Variants in PDE6A observed in about 807,000 individuals in gnomAD.
The protein encoded by PDE6A is rod cGMP-specific 3',5'-cyclic phosphodiesterase subunit alpha.
In PDE6A, 84 loss-of-function variants were observed where a neutral mutation model predicts 106.3. The ratio of observed to expected loss-of-function variants is 0.79; its 90% CI spans 0.66 to 0.95. PDE6A has a LOEUF of 0.95. PDE6A is among the 40% of genes least tolerant of loss of function. PDE6A has a pLI of 0.00. For synonymous variants in PDE6A, 394 were observed against 386.6 expected, an observed-to-expected ratio of 1.02 and a Z score of -0.23; for missense variants, 1,052 against 1,084.9, an observed-to-expected ratio of 0.97 and a Z score of 0.43.
At chr5:149,879,533 T>C (rs981548183) in intron 17 of PDE6A, among the ~76,000 whole-genome samples, 1 of 150,556 alleles carries the variant, frequency 6.6e-6, no homozygotes, top group African/African-American at 2.4e-5. Context: ...CACTAACTCG[T>C]CATCTAGCAT....
At chr5:149,914,243 G>A (rs924462688) in intron 6 of PDE6A, among the ~76,000 whole-genome samples, 1 of 151,894 alleles carries the variant, frequency 6.6e-6, no homozygotes, top group Admixed American at 6.6e-5. Context: ...CCCCTTCTTG[G>A]GCCTCACTGC....
At chr5:149,920,983 A>AAAG (rs1753699749) in intron 5 of PDE6A, among the ~76,000 whole-genome samples, 1 of 132,926 alleles carries the variant, frequency 7.5e-6, no homozygotes, top group African/African-American at 3.9e-5. Flanking sequence ...AGAAAGAAAG[A>AAAG]AAGAAAGAAA....
intron 3 of PDE6A, 149 bp downstream of exon 3, chr5:149,933,781 C>T (rs17725010): frequency 0.18 from 118,282 of 673,408 alleles, 11,378 homozygotes; most frequent in South Asian, 0.27. Context: ...TACAGCTTTA[C>T]AGACAACCAC....
At chr5:149,871,046 G>T (rs532998342) in intron 17 of PDE6A, among the ~76,000 whole-genome samples, 19 of 152,240 alleles carry the variant, frequency 1.2e-4, no homozygotes, top group African/African-American at 4.3e-4. Context: ...GCCTTGAGGG[G>T]TACATAGGAG....
rs1301406411 is a variant in PDE6A, at chr5:149,858,897, T to C, written c.*1998A>G. Reference sequence around the variant, plus strand: ...TGGAGTGCAGTGGCATGATCTCAGCTCACTGCAACCTTCGCCTCCCAGGTT... The same window carrying C: ...TGGAGTGCAGTGGCATGATCTCAGCCCACTGCAACCTTCGCCTCCCAGGTT... On this transcript the variant is annotated 3_prime_UTR_variant, in exon 22 of 22. Coordinates refer to ENST00000255266, the MANE Select transcript of PDE6A (RefSeq NM_000440.3). 1 of 136,674 alleles carries C rather than the reference T, an allele frequency of 7.3e-6. No homozygotes were observed. The highest frequency in any genetic ancestry group is 1.5e-5 in the Non-Finnish European group (1 of 65,492). The allele number at this position is 136,674 out of a possible 1,614,324, so 8.5% of individuals were successfully genotyped here. A position where few individuals can be genotyped will look rare whatever the true frequency, so the allele number is the denominator to read the frequency against.
At chr5:149,909,186 G>C (rs935274109) in intron 6 of PDE6A, among the ~76,000 whole-genome samples, 1 of 151,746 alleles carries the variant, frequency 6.6e-6, no homozygotes, top group African/African-American at 2.4e-5. Flanking sequence ...TTTGAGACAG[G>C]GTCTCACTCT....
At chr5:149,889,095 A>AAAAAAAAAAAAAAAAC (rs1752443752) in intron 13 of PDE6A, among the ~76,000 whole-genome samples, 1 of 150,782 alleles carries the variant, frequency 6.6e-6, no homozygotes, top group South Asian at 2.1e-4. Flanking sequence ...AAAAAAAAAA[A>AAAAAAAAAAAAAAAAC]AAAGATCAGA....
chr5:149,894,629 A>ATTTTTTTTTTTTTTTT (rs10657525), intron 13 of PDE6A, among the ~76,000 whole-genome samples: 2 of 113,036 alleles, frequency 1.8e-5, no homozygotes, highest in East Asian at 4.8e-4. Flanking sequence ...GAACTGTTGA[A>ATTTTTTTTTTTTTTTT]TTTTTTTTTT....
At chr5:149,927,297 G>A (rs1753891485) in intron 4 of PDE6A, among the ~76,000 whole-genome samples, 1 of 152,182 alleles carries the variant, frequency 6.6e-6, no homozygotes, top group South Asian at 2.1e-4. Flanking sequence ...CAGTGAGTGA[G>A]TGGTGAGTGA....
At chr5:149,880,599 G>C (rs1760887524) in intron 17 of PDE6A, among the ~76,000 whole-genome samples, 1 of 151,906 alleles carries the variant, frequency 6.6e-6, no homozygotes, top group South Asian at 2.1e-4. Context: ...TGTAATCCCA[G>C]CTACTCAGGA....
At chr5:149,903,378 T>C (rs923993295) in intron 8 of PDE6A, among the ~76,000 whole-genome samples, 2 of 149,972 alleles carry the variant, frequency 1.3e-5, no homozygotes, top group African/African-American at 4.9e-5. Context: ...GTATTATATA[T>C]TGTATATTAT....
In PDE6A at chr5:149,907,331, T is replaced by A. The variant is rs776115440; in HGVS notation, c.1046A>T (p.Tyr349Phe). Residue 349 changes from tyrosine (Y) to phenylalanine (F), a missense_variant, in exon 7 of 22, where the codon TAT (tyrosine) becomes TTT (phenylalanine). Transcript: ENST00000255266. The stretch of plus-strand genomic sequence containing the variant: ...ACTTACCAGGCCATTCTGGGCAACA[T>A]AAGCTGGGAGACCGCTTACTAAAGC... ...HWALVSGLPA[Y>F]VAQNGLICNI... 21 of 1,613,822 alleles carry A rather than the reference T, an allele frequency of 1.3e-5. No homozygotes were observed. Among genetic ancestry groups the A allele is most frequent in the Non-Finnish European group, 1.7e-5 (20 of 1,179,826 alleles).
At chr5:149,891,832 T>G (rs192749750) in intron 13 of PDE6A, among the ~76,000 whole-genome samples, 37 of 151,990 alleles carry the variant, frequency 2.4e-4, no homozygotes, top group Admixed American at 2.1e-3. Flanking sequence ...AAGTTTGGTT[T>G]GTCAAACTCA....
At chr5:149,940,579 C>A (rs919667250) in intron 1 of PDE6A, among the ~76,000 whole-genome samples, 4 of 151,492 alleles carry the variant, frequency 2.6e-5, no homozygotes, top group African/African-American at 4.9e-5. Flanking sequence ...CTCACTGCAA[C>A]CTCCACCTCC....
At chr5:149,897,408 G>A (rs1346768083) in intron 10 of PDE6A, among the ~76,000 whole-genome samples, 1 of 152,154 alleles carries the variant, frequency 6.6e-6, no homozygotes, top group African/African-American at 2.4e-5. Context: ...GCCCCGATAG[G>A]TTGCACATAC....
intron 1 of PDE6A, among the ~76,000 whole-genome samples, chr5:149,937,582 T>G (rs985144989): frequency 2.0e-5 from 3 of 152,284 alleles, no homozygotes; most frequent in East Asian, 3.9e-4. Context: ...TTTGCTGTGT[T>G]GCCCAGGGTA....
At chr5:149,883,295 A>G in intron 17 of PDE6A, 134 bp downstream of exon 17, 1 of 694,910 alleles carries the variant, frequency 1.4e-6, no homozygotes, top group Non-Finnish European at 2.6e-6. Context: ...GCATAACTTC[A>G]TTTTTTTCAT....
rs367817449 is a variant in PDE6A, at chr5:149,868,069, C to T, written c.2199+26G>A. 9 of 1,609,934 alleles carry T rather than the reference C, an allele frequency of 5.6e-6. No individual in the cohort carries two copies. In the African/African-American group the frequency reaches 8.0e-5, roughly 14 times the overall value. On this transcript the variant is annotated intron_variant, in intron 18 of 21. Transcript: ENST00000255266. ...ATGCCCCCAGTACTGGGATGCCCCT[C>T]CTCTTGGGTCAGCAGGAGTTCATAC...
chr5:149,899,075 C>T lies in PDE6A; in HGVS notation c.1263+300G>A, dbSNP rs116078694. ...AGAAATAGGATATTGCCCTGTTGGC[C>T]AGGCTGGTCTTGAGTTCCTGGGCTC... On this transcript the variant is annotated intron_variant, in intron 9 of 21. Coordinates refer to ENST00000255266, the MANE Select transcript of PDE6A (RefSeq NM_000440.3). 2.4e-3 allele frequency among the ~76,000 whole-genome samples: 369 copies of T among 152,230 alleles called. 3 individuals carry two copies. Among genetic ancestry groups the T allele is most frequent in the African/African-American group, 8.4e-3 (350 of 41,540 alleles).
Sources: gnomAD v4.1 joint callset for allele counts (sites outside exome capture counted in the v4.1 genomes callset) on GRCh38, gnomAD v4.1.1 for gene constraint, MANE v1.5 for transcripts, NCBI Gene and HGNC (gene_info 2026-07-23, HGNC 2026-07-21) for gene names.